The following MAN2B2 variants were observed in gnomAD, a reference collection of about 807,000 sequenced individuals.
MAN2B2 encodes the protein mannosidase alpha class 2B member 2.
In MAN2B2, 106 loss-of-function variants were observed where a neutral mutation model predicts 117.1. That is an observed-to-expected ratio of 0.90 (90% CI 0.77 to 1.06). The LOEUF is 1.06. Among genes scored for constraint, MAN2B2 ranks in the 50% least tolerant of loss-of-function variants. The pLI, the probability that MAN2B2 is intolerant of heterozygous loss-of-function variation, is 0.00. For synonymous variants in MAN2B2, 544 were observed against 595.1 expected (o/e 0.91, Z 1.25); for missense variants, 1,326 against 1,381.4 (o/e 0.96, Z 0.64).
chr4:6,593,339 C>T lies in MAN2B2; in HGVS notation c.847C>T (p.Leu283Phe). The T allele has an allele frequency of 6.2e-7, 1 of 1,612,540 alleles. No individual in the cohort carries two copies. The highest frequency in any genetic ancestry group is 1.3e-5 in the African/African-American group (1 of 75,026). The change falls in exon 6 of 19, where the codon CTC becomes TTC. Residue 283 changes from leucine to phenylalanine, a missense_variant. Transcript: ENST00000285599. ...CGCCTGGTTCCGGACACCGCACGTC[C>T]TCTGGCCCTGGGTAAGGCAGAGTCC... ...RAAWFRTPHV[L>F]WPWGCDKQFF...
At chr4:6,613,315 A>G (rs1315081431) in intron 15 of MAN2B2, among the ~76,000 whole-genome samples, 1 of 152,136 alleles carries the variant, frequency 6.6e-6, no homozygotes, top group Non-Finnish European at 1.5e-5. Context: ...CTGGCCGGAC[A>G]TGGTGGCTCA....
In MAN2B2 at chr4:6,600,603, A is replaced by G. The variant is rs186838099; in HGVS notation, c.1406-20A>G. The G allele has an allele frequency of 6.2e-7, 1 of 1,612,330 alleles. No individual in the cohort carries two copies. Among genetic ancestry groups the G allele is most frequent in the East Asian group, 2.2e-5 (1 of 44,828 alleles). On this transcript the variant is annotated intron_variant, in intron 9 of 18. Transcript: ENST00000285599. ...AAGGTGAGTCACATGGCACAAGCAAAGCCTCTTCTCTGTGTGCAGATGCAG... is the reference window on the plus strand; with the variant it reads ...AAGGTGAGTCACATGGCACAAGCAAGGCCTCTTCTCTGTGTGCAGATGCAG...
At chr4:6,619,866 G>A (rs1262346354) in intron 17 of MAN2B2, 61 bp from the exon 18 acceptor site, 3 of 1,495,282 alleles carry the variant, frequency 2.0e-6, no homozygotes, top group Non-Finnish European at 2.8e-6. Flanking sequence ...TGCTGTCTTG[G>A]TTCTCTGCTC....
chr4:6,622,350 C>T lies in MAN2B2; in HGVS notation c.*1065C>T, dbSNP rs560819837. ...TGATGAAATTGTGGAATGATGGTTG[C>T]ACAACTTTGTGAATATACTAGAAAC... On this transcript the variant is annotated 3_prime_UTR_variant, in exon 19 of 19. Transcript: ENST00000285599. 1 of 152,202 alleles carries T rather than the reference C, an allele frequency of 6.6e-6. No homozygotes were observed. The highest frequency in any genetic ancestry group is 6.5e-5 in the Admixed American group (1 of 15,288). 9.4% of individuals were successfully genotyped at this position (152,202 alleles called of 1,614,324 possible).
intron 7 of MAN2B2, 120 bp from the exon 8 acceptor site, chr4:6,596,993 T>C (rs1727119434): frequency 8.0e-6 from 8 of 1,003,162 alleles, no homozygotes; most frequent in South Asian, 6.3e-5. Flanking sequence ...GCCTGCCTCC[T>C]TGGGTGACCC....
chr4:6,620,145 G>C, intron 18 of MAN2B2, 101 bp downstream of exon 18: 1 of 977,866 alleles, frequency 1.0e-6, no homozygotes, highest in Non-Finnish European at 1.5e-6. Flanking sequence ...GTCCCGGCCT[G>C]TGCGACCTTG....
rs371126004 is a variant in MAN2B2 at position 6,611,173 on chromosome 4, G to A, written c.2458G>A (p.Val820Met). Residue 820 changes from valine to methionine, a missense_variant, in exon 15 of 19, where the codon GTG becomes ATG. By Grantham distance (21) the Val-to-Met change is conservative. Coordinates refer to ENST00000285599, the MANE Select transcript of MAN2B2 (RefSeq NM_015274.3). ...GAACGACACCTCAGTCGTCCACCCA[G>A]TGCTCTGGCTTCTGCTGGGATCCTG... ...TLNDTSVVHPVLWLLLGSWSL... is the reference protein window; with the variant it reads ...TLNDTSVVHPMLWLLLGSWSL... 2 of 1,613,862 alleles carry A rather than the reference G, an allele frequency of 1.2e-6. No individual in the cohort carries two copies. Among genetic ancestry groups the A allele is most frequent in the Non-Finnish European group, 1.7e-6 (2 of 1,180,032 alleles).
chr4:6,602,207 G>A (rs756104164), intron 10 of MAN2B2, among the ~76,000 whole-genome samples: 4 of 152,242 alleles, frequency 2.6e-5, no homozygotes, highest in Non-Finnish European at 5.9e-5. Flanking sequence ...ATGGGGTCAC[G>A]CTATGGGAGA....
At chr4:6,608,784 G>A (rs978551119) in intron 11 of MAN2B2, among the ~76,000 whole-genome samples, 2 of 152,184 alleles carry the variant, frequency 1.3e-5, no homozygotes, top group Non-Finnish European at 2.9e-5. Context: ...ACAAAAGCCC[G>A]TTCCTGCACT....
At chr4:6,604,039 G>A (rs530830225) in intron 10 of MAN2B2, among the ~76,000 whole-genome samples, 3 of 152,248 alleles carry the variant, frequency 2.0e-5, no homozygotes, top group Admixed American at 6.5e-5. Context: ...GTCCGTCCAC[G>A]TGGGGATGAG....
At chr4:6,577,427 G>A (rs892490108) in intron 2 of MAN2B2, among the ~76,000 whole-genome samples, 4 of 152,164 alleles carry the variant, frequency 2.6e-5, no homozygotes, top group African/African-American at 9.7e-5. Context: ...GTTCAGGGAC[G>A]CCAAGTGACT....
At chr4:6,593,409 C>A in intron 6 of MAN2B2, 59 bp downstream of exon 6, 1 of 1,517,236 alleles carries the variant, frequency 6.6e-7, no homozygotes. Context: ...CTATGCAAGC[C>A]CTGGTCCCTG....
Position 6,605,039 on chromosome 4 carries a change from C to T in MAN2B2, c.1540-16C>T. ...AGAGCTGACAGTTAACAAGTCTCATCCTGCTGGCCTTGCAGATCCAGAACT... is the reference window on the plus strand; with the variant it reads ...AGAGCTGACAGTTAACAAGTCTCATTCTGCTGGCCTTGCAGATCCAGAACT... On this transcript the variant is annotated splice_polypyrimidine_tract_variant and intron_variant, in intron 10 of 18. Transcript: ENST00000285599. 2 of 1,603,726 alleles carry T rather than the reference C, an allele frequency of 1.2e-6. No homozygotes were observed. The highest frequency in any genetic ancestry group is 1.7e-6 in the Non-Finnish European group (2 of 1,172,370).
Position 6,609,972 on chromosome 4 carries a change from G to T in MAN2B2, c.2181G>T (p.Gln727His), listed in dbSNP as rs762896085. The change falls in exon 13 of 19, where the codon CAG becomes CAT. Residue 727 changes from glutamine to histidine, a missense_variant. Physicochemically the swap from Gln to His is conservative, Grantham distance 24. Transcript: ENST00000285599. ...LRTSTNLNSQ[Q>H]VIYSDNNGYQ... Reference sequence around the variant, plus strand: ...CCAGCACCAACCTAAACAGCCAGCAGGTCATCTACTCAGACAACAACGGCT... The same window carrying T: ...CCAGCACCAACCTAAACAGCCAGCATGTCATCTACTCAGACAACAACGGCT... 5 of 1,614,186 alleles carry T rather than the reference G, an allele frequency of 3.1e-6. 1 individual carries two copies. The South Asian group carries it at 5.5e-5, about 18-fold the overall frequency.
rs199872692 is a variant in MAN2B2, at chr4:6,611,067, G to A, written c.2371-19G>A. 1.9e-4 allele frequency: 309 copies of A among 1,611,950 alleles called. No homozygotes were observed. Among genetic ancestry groups the A allele is most frequent in the African/African-American group, 1.8e-3 (135 of 75,016 alleles). On this transcript the variant is annotated intron_variant, in intron 14 of 18. Coordinates refer to ENST00000285599, the MANE Select transcript of MAN2B2 (RefSeq NM_015274.3). ...TGCCCAGGTGCAAGCCGGGCCTCTC[G>A]GACAATGCCTTCCCGCAGGTCATGC...
At chr4:6,604,488 G>A (rs1377854053) in intron 10 of MAN2B2, among the ~76,000 whole-genome samples, 2 of 151,382 alleles carry the variant, frequency 1.3e-5, no homozygotes, top group South Asian at 2.1e-4. Context: ...TGGGGGATGG[G>A]GAAGGGGAGT....
intron 17 of MAN2B2, chr4:6,618,166 A>G (rs988443440): frequency 3.9e-5 from 6 of 152,054 alleles, no homozygotes; most frequent in Non-Finnish European, 7.3e-5. Flanking sequence ...TTTTATTTTT[A>G]GTAGAGACAC....
chr4:6,587,923 T>A (rs1479598198), intron 4 of MAN2B2, among the ~76,000 whole-genome samples: 1 of 151,916 alleles, frequency 6.6e-6, no homozygotes, highest in Non-Finnish European at 1.5e-5. Flanking sequence ...CCCAGCTAAA[T>A]TTTTTGTGTG....
Position 6,576,616 on chromosome 4 carries a change from A to C in MAN2B2, c.177A>C (p.Ser59=). ...CGTACGCCGCCAATGTCTACACCTC[A>C]GTGGTGGAAGAGCTGGCCCGCGGCC... The part of the protein sequence containing the change: ...MRAYAANVYT[S]VVEELARGQQ... Residue 59 remains serine (S), a synonymous_variant, in exon 2 of 19, where the codon TCA becomes TCC. Transcript: ENST00000285599. 2 of 1,602,384 alleles carry C rather than the reference A, an allele frequency of 1.2e-6. No homozygotes were observed. Among genetic ancestry groups the C allele is most frequent in the Non-Finnish European group, 1.7e-6 (2 of 1,173,298 alleles).
Sources: gnomAD v4.1 joint callset for allele counts (sites outside exome capture counted in the v4.1 genomes callset) on GRCh38, gnomAD v4.1.1 for gene constraint, MANE v1.5 for transcripts, NCBI Gene and HGNC (gene_info 2026-07-23, HGNC 2026-07-21) for gene names.